The following PRKCE variants were observed in gnomAD, a reference collection of about 807,000 sequenced individuals.
PRKCE encodes the protein protein kinase C epsilon, also known as protein kinase C epsilon type.
A neutral mutation model predicts 85.4 loss-of-function variants in PRKCE; 16 were observed. The ratio of observed to expected loss-of-function variants is 0.19; its 90% CI spans 0.13 to 0.28. The LOEUF is 0.28. Among genes scored for constraint, PRKCE ranks in the 10% least tolerant of loss-of-function variants. The probability of loss-of-function intolerance (pLI) is 1.00; values close to 1 mark genes in which losing one functional copy is unlikely to be tolerated. For missense variants in PRKCE, 573 were observed against 975.2 expected, an observed-to-expected ratio of 0.59 and a Z score of 5.49; for synonymous variants, 388 against 371.5, an observed-to-expected ratio of 1.04 and a Z score of -0.51.
At chr2:45,726,604 C>T (rs577110446) in intron 1 of PRKCE, among the ~76,000 whole-genome samples, 6 of 152,274 alleles carry the variant, frequency 3.9e-5, no homozygotes, top group South Asian at 2.1e-4. Flanking sequence ...CATAAATTTA[C>T]GTACACTGGG....
At chr2:45,953,876 A>G (rs1464474053) in intron 2 of PRKCE, among the ~76,000 whole-genome samples, 1 of 152,080 alleles carries the variant, frequency 6.6e-6, no homozygotes, top group Non-Finnish European at 1.5e-5. Context: ...ATTTTCGTGT[A>G]CCTCCTGGAC....
intron 11 of PRKCE, among the ~76,000 whole-genome samples, chr2:46,136,356 A>G (rs191567304): frequency 2.2e-4 from 34 of 152,362 alleles, no homozygotes; most frequent in Admixed American, 7.2e-4. Context: ...TAGATGCTGT[A>G]TGGTTTACAG....
chr2:45,964,878 T>A (rs2595202), intron 2 of PRKCE, among the ~76,000 whole-genome samples: 1 of 152,108 alleles, frequency 6.6e-6, no homozygotes, highest in South Asian at 2.1e-4. Context: ...TTTTTTTTCC[T>A]ATGTAGTGAA....
At chr2:46,183,463 T>G (rs1382486659) in intron 14 of PRKCE, among the ~76,000 whole-genome samples, 1 of 152,228 alleles carries the variant, frequency 6.6e-6, no homozygotes, top group Non-Finnish European at 1.5e-5. Flanking sequence ...TCCAAGTCAC[T>G]AATCCTGGGT....
chr2:45,678,960 A>T (rs1013464366), intron 1 of PRKCE, among the ~76,000 whole-genome samples: 1 of 152,146 alleles, frequency 6.6e-6, no homozygotes, highest in African/African-American at 2.4e-5. Flanking sequence ...GTTGTTTTTT[A>T]ATTGGTCACG....
intron 1 of PRKCE, among the ~76,000 whole-genome samples, chr2:45,694,741 A>G (rs774097309): frequency 4.6e-5 from 7 of 152,206 alleles, no homozygotes; most frequent in Non-Finnish European, 1.0e-4. Flanking sequence ...GATGGCCAAT[A>G]TGCTGGAAGC....
rs1182177094 is a variant in PRKCE, at chr2:46,184,681, G to A, written c.2068-54G>A. Reference sequence around the variant, plus strand: ...GTGCGGTGCCCACTCCCCATGGGGGGCCCTCAGGAGGGAGAGCAGCCTCAA... The same window carrying A: ...GTGCGGTGCCCACTCCCCATGGGGGACCCTCAGGAGGGAGAGCAGCCTCAA... On this transcript the variant is annotated intron_variant, in intron 14 of 14. Coordinates refer to ENST00000306156, the MANE Select transcript of PRKCE (RefSeq NM_005400.3). This position sits in a 1 kb window ranked among gnomAD's most constrained non-coding sequence, Gnocchi z 5.0. 2.2e-5 allele frequency: 35 copies of A among 1,580,638 alleles called. 1 individual carries two copies. The highest frequency in any genetic ancestry group is 8.1e-5 in the African/African-American group (6 of 74,502).
rs1320203474 is a variant in PRKCE, at chr2:46,186,823, AATG to A, written c.*1947_*1949del. 6.6e-6 allele frequency: 1 copy of A among 152,584 alleles called. No individual in the cohort carries two copies. 9.5% of individuals were successfully genotyped at this position (152,584 alleles called of 1,614,324 possible). A position where few individuals can be genotyped will look rare whatever the true frequency, so the allele number is the denominator to read the frequency against. On this transcript the variant is annotated 3_prime_UTR_variant, in exon 15 of 15. Coordinates refer to ENST00000306156, the MANE Select transcript of PRKCE (RefSeq NM_005400.3). ...CTGGCTGGTCATAGCCTTTGTTACT[AATG>A]ATGACATTCAGTTCTCTTTTGTTTT...
chr2:45,679,856 C>T (rs1259354097), intron 1 of PRKCE, among the ~76,000 whole-genome samples: 14 of 152,202 alleles, frequency 9.2e-5, no homozygotes, highest in Non-Finnish European at 2.1e-4. Context: ...TCTTCCGGGC[C>T]TGCCCAAAGG....
chr2:45,914,837 A>G (rs56034566), intron 2 of PRKCE, among the ~76,000 whole-genome samples: 2,190 of 152,330 alleles, frequency 0.014, 53 homozygotes, highest in African/African-American at 0.05. Flanking sequence ...ATCCATGCAT[A>G]CGTAATAGGG....
At chr2:45,720,913 C>T (rs1038523639) in intron 1 of PRKCE, among the ~76,000 whole-genome samples, 1 of 152,082 alleles carries the variant, frequency 6.6e-6, no homozygotes, top group Non-Finnish European at 1.5e-5. Context: ...TCGAGACCAG[C>T]CTGGCCAATA....
intron 1 of PRKCE, among the ~76,000 whole-genome samples, chr2:45,760,686 A>G (rs1241373590): frequency 6.6e-6 from 1 of 152,172 alleles, no homozygotes; most frequent in East Asian, 1.9e-4. Context: ...ACTGAAGACA[A>G]ATTCCCAAAG....
intron 1 of PRKCE, among the ~76,000 whole-genome samples, chr2:45,795,289 C>G (rs565134731): frequency 6.6e-6 from 1 of 152,120 alleles, no homozygotes; most frequent in East Asian, 1.9e-4. Context: ...CTCCCTCAAA[C>G]CTGAACCACT....
rs1677495923 is a variant in PRKCE at position 46,159,070 on chromosome 2, G to A, written c.1921-536G>A. On this transcript the variant is annotated intron_variant, in intron 13 of 14. Transcript: ENST00000306156. This position sits in a 1 kb window ranked among gnomAD's most constrained non-coding sequence, Gnocchi z 4.1. ...TTCAAACATAAAAACAGTGGAGAGG[G>A]GCTGGGTCCAGGAACAGGAAAGGAG... Among the ~76,000 whole-genome samples, 1 of 152,200 alleles carries A rather than the reference G, an allele frequency of 6.6e-6. No homozygotes were observed. Among genetic ancestry groups the A allele is most frequent in the Admixed American group, 6.5e-5 (1 of 15,286 alleles).
At chr2:45,990,254 C>G (rs954730031) in intron 6 of PRKCE, among the ~76,000 whole-genome samples, 2 of 152,226 alleles carry the variant, frequency 1.3e-5, no homozygotes, top group African/African-American at 4.8e-5. Context: ...AACATCAGTT[C>G]TCTGCCGTAT....
intron 1 of PRKCE, among the ~76,000 whole-genome samples, chr2:45,675,131 G>A (rs1676368186): frequency 6.6e-6 from 1 of 152,162 alleles, no homozygotes; most frequent in African/African-American, 2.4e-5. Context: ...CTTGGAGACT[G>A]GACCTCATCA....
At chr2:45,757,697 G>A (rs1684124890) in intron 1 of PRKCE, among the ~76,000 whole-genome samples, 1 of 151,924 alleles carries the variant, frequency 6.6e-6, no homozygotes, top group African/African-American at 2.4e-5. Flanking sequence ...AAATAAAAGT[G>A]ATAATTTAGA....
At chr2:45,837,585 C>T (rs1455442385) in intron 1 of PRKCE, among the ~76,000 whole-genome samples, 4 of 152,150 alleles carry the variant, frequency 2.6e-5, no homozygotes, top group Non-Finnish European at 4.4e-5. Flanking sequence ...TCTGCCAGTC[C>T]GGCTCCAGGG....
chr2:46,139,872 A>G lies in PRKCE; in HGVS notation c.1593-5221A>G, dbSNP rs1055669667. On this transcript the variant is annotated intron_variant, in intron 11 of 14. Coordinates refer to ENST00000306156, the MANE Select transcript of PRKCE (RefSeq NM_005400.3). The surrounding 1 kb of genome is among the most constrained non-coding windows in gnomAD (Gnocchi z 5.2). ...CACCCTGCTCCAAGGGCAGCTTTTAATTCTAGTTCATGGCTGCGTAGCTAT... is the reference window on the plus strand; with the variant it reads ...CACCCTGCTCCAAGGGCAGCTTTTAGTTCTAGTTCATGGCTGCGTAGCTAT... 6.6e-6 allele frequency among the ~76,000 whole-genome samples: 1 copy of G among 152,114 alleles called. No individual in the cohort carries two copies. Among genetic ancestry groups the G allele is most frequent in the African/African-American group, 2.4e-5 (1 of 41,410 alleles).
Sources: allele counts gnomAD v4.1 joint callset (sites outside exome capture counted in the v4.1 genomes callset), GRCh38; gene constraint gnomAD v4.1.1; non-coding constraint Gnocchi (gnomAD v3.1); transcripts MANE v1.5; gene names NCBI Gene and HGNC (gene_info 2026-07-23, HGNC 2026-07-21).